The following KIF16B variants were observed in gnomAD, a reference collection of about 807,000 sequenced individuals.
KIF16B encodes the protein kinesin family member 16B, also known as kinesin-like protein KIF16B.
KIF16B carries 98 observed loss-of-function variants against 156.3 expected under a neutral mutation model. That is an observed-to-expected ratio of 0.63 (90% CI 0.53 to 0.74). The LOEUF (loss-of-function observed/expected upper bound fraction) is 0.74. KIF16B is among the 30% of genes least tolerant of loss of function. KIF16B has a pLI of 0.00. For synonymous variants in KIF16B, 564 were observed against 583.7 expected, an observed-to-expected ratio of 0.97 and a Z score of 0.49; for missense variants, 1,421 against 1,606.5, an observed-to-expected ratio of 0.88 and a Z score of 1.97.
chr20:16,524,996 G>C (rs2147134960), intron 3 of KIF16B, among the ~76,000 whole-genome samples: 1 of 152,190 alleles, frequency 6.6e-6, no homozygotes, highest in Non-Finnish European at 1.5e-5. Flanking sequence ...TGGACACAGG[G>C]AGGGGAACAT....
chr20:16,537,892 C>T (rs552423544), intron 1 of KIF16B, among the ~76,000 whole-genome samples: 7 of 151,722 alleles, frequency 4.6e-5, no homozygotes, highest in African/African-American at 9.7e-5. Context: ...TTAGTAGAGA[C>T]GGGGTTTCTC....
chr20:16,456,096 C>CCAATACTATA lies in KIF16B; in HGVS notation c.1303-26115_1303-26114insTATAGTATTG, dbSNP rs1204336809. Among the ~76,000 whole-genome samples the CCAATACTATA allele has an allele frequency of 3.5e-4, 50 of 143,410 alleles. 1 individual carries two copies. In the East Asian group the frequency reaches 5.0e-3, roughly 14 times the overall value. The allele number at this position is 143,410 out of a possible 152,430, so 94.1% of individuals were successfully genotyped here. A position where few individuals can be genotyped will look rare whatever the true frequency, so the allele number is the denominator to read the frequency against. ...AATAAAAGGAATTCTTCTACTGGAG[C>CCAATACTATA]CAATACAATACAATACAATACAATA... On this transcript the variant is annotated intron_variant, in intron 12 of 25. Coordinates refer to ENST00000354981, the MANE Select transcript of KIF16B (RefSeq NM_024704.5).
At chr20:16,275,635 C>T (rs753674132) in intron 25 of KIF16B, among the ~76,000 whole-genome samples, 2 of 152,158 alleles carry the variant, frequency 1.3e-5, no homozygotes, top group African/African-American at 2.4e-5. Flanking sequence ...TGTTCCATAT[C>T]CCTAACTTAC....
chr20:16,390,279 T>A (rs1316407754), intron 17 of KIF16B, among the ~76,000 whole-genome samples: 1 of 152,174 alleles, frequency 6.6e-6, no homozygotes, highest in South Asian at 2.1e-4. Context: ...ATTGGTTTTT[T>A]AAAAAATAAT....
intron 15 of KIF16B, among the ~76,000 whole-genome samples, chr20:16,412,819 AT>A (rs1413557769): frequency 6.6e-6 from 1 of 152,112 alleles, no homozygotes; most frequent in Non-Finnish European, 1.5e-5. Flanking sequence ...AGGATATTTT[AT>A]TTTTTGTTAA....
rs560713417 is a variant in KIF16B, at chr20:16,273,014, C to T, written c.*239G>A. On this transcript the variant is annotated 3_prime_UTR_variant, in exon 26 of 26. Coordinates refer to ENST00000354981, the MANE Select transcript of KIF16B (RefSeq NM_024704.5). ...AAGGAAGCACTGTGGGAAAAGGCCA[C>T]GTTCAACCGCAATGGAACGGTAACG... is the stretch of plus-strand genomic sequence containing the variant. The T allele has an allele frequency of 5.2e-5, 25 of 477,020 alleles. No individual in the cohort carries two copies. Among genetic ancestry groups the T allele is most frequent in the African/African-American group, 2.9e-4 (15 of 50,992 alleles). The allele number at this position is 477,020 out of a possible 1,614,324, so 29.5% of individuals were successfully genotyped here. A position where few individuals can be genotyped will look rare whatever the true frequency, so the allele number is the denominator to read the frequency against.
chr20:16,353,928 GC>G (rs1409189618), intron 23 of KIF16B, among the ~76,000 whole-genome samples: 1 of 152,172 alleles, frequency 6.6e-6, no homozygotes, highest in Non-Finnish European at 1.5e-5. Flanking sequence ...CATAATTATA[GC>G]ACCTAGGGAC....
At chr20:16,405,294 A>T (rs537675999) in intron 16 of KIF16B, among the ~76,000 whole-genome samples, 53 of 152,216 alleles carry the variant, frequency 3.5e-4, no homozygotes, top group African/African-American at 1.3e-3. Flanking sequence ...AGAAGAAGGC[A>T]GGAGGGGTGA....
intron 22 of KIF16B, among the ~76,000 whole-genome samples, chr20:16,362,293 A>G (rs926974291): frequency 6.6e-6 from 1 of 152,080 alleles, no homozygotes; most frequent in East Asian, 1.9e-4. Context: ...AGCAAAAGTA[A>G]ACATACAAAC....
At chr20:16,563,543 G>A (rs529569263) in intron 1 of KIF16B, among the ~76,000 whole-genome samples, 1 of 152,298 alleles carries the variant, frequency 6.6e-6, no homozygotes, top group African/African-American at 2.4e-5. Flanking sequence ...TAGAAAAACA[G>A]TCAAGAAACA....
rs1347989737 is a variant in KIF16B at position 16,427,171 on chromosome 20, T to A, written c.1545A>T (p.Ile515=). 1.9e-6 allele frequency: 3 copies of A among 1,612,244 alleles called. No homozygotes were observed. The Admixed American group carries it at 5.0e-5, about 27-fold the overall frequency. Reference sequence around the variant, plus strand: ...CAGAGCACTGGGACCCACTCAGGGGTATCAGAGTCACTGTCCCCCCGATAT... The same window carrying A: ...CAGAGCACTGGGACCCACTCAGGGGAATCAGAGTCACTGTCCCCCCGATAT... The part of the protein sequence containing the change: ...FENIGGTVTL[I]PLSGSQCSVN... The change falls in exon 15 of 26, where the codon ATA becomes ATT. Residue 515 remains isoleucine, a synonymous_variant. Coordinates refer to ENST00000354981, the MANE Select transcript of KIF16B (RefSeq NM_024704.5).
At position 16,511,515 on chromosome 20, in the gene KIF16B, A is replaced by C. The variant is rs1339089294; in HGVS notation, c.459T>G (p.Ile153Met). ...GTAGATCTCTCACACGTTCGTTATA[A>C]ATTTCTAAGTAGCTAAAAATTTAAA... ...SFRTEVSYLE[I>M]YNERVRDLLR... Residue 153 changes from isoleucine (I) to methionine (M), a missense_variant, in exon 6 of 26, where the codon ATT (isoleucine) becomes ATG (methionine). Ile to Met is a conservative substitution (Grantham distance 10). Transcript: ENST00000354981. 6.3e-7 allele frequency: 1 copy of C among 1,599,926 alleles called. No individual in the cohort carries two copies. The highest frequency in any genetic ancestry group is 8.5e-7 in the Non-Finnish European group (1 of 1,171,658).
chr20:16,380,463 C>G (rs2065068360), intron 18 of KIF16B, among the ~76,000 whole-genome samples: 1 of 152,134 alleles, frequency 6.6e-6, no homozygotes. Flanking sequence ...CCCCTGAGCT[C>G]AAAGAGAAAG....
chr20:16,501,149 T>C (rs1412285164), intron 10 of KIF16B, among the ~76,000 whole-genome samples: 1 of 151,768 alleles, frequency 6.6e-6, no homozygotes, highest in East Asian at 1.9e-4. Context: ...ATATATCCAT[T>C]AGGATGGTTA....
intron 12 of KIF16B, among the ~76,000 whole-genome samples, chr20:16,439,106 A>T (rs952694368): frequency 2.0e-5 from 3 of 152,100 alleles, no homozygotes; most frequent in African/African-American, 7.2e-5. Context: ...AAAAAGAATC[A>T]AGTGGGTCAG....
chr20:16,501,099 G>T (rs1156649074), intron 10 of KIF16B, among the ~76,000 whole-genome samples: 1 of 151,522 alleles, frequency 6.6e-6, no homozygotes, highest in African/African-American at 2.4e-5. Context: ...TTCATCAATC[G>T]CCTGAGAAGC....
At chr20:16,397,222 T>C (rs1007097726) in intron 17 of KIF16B, among the ~76,000 whole-genome samples, 3 of 152,098 alleles carry the variant, frequency 2.0e-5, no homozygotes, top group Non-Finnish European at 4.4e-5. Flanking sequence ...TGCAGGAAAA[T>C]TATCTCCTGG....
chr20:16,361,952 T>C (rs897012821), intron 22 of KIF16B, among the ~76,000 whole-genome samples: 1 of 152,242 alleles, frequency 6.6e-6, no homozygotes, highest in South Asian at 2.1e-4. Context: ...AAGATCATTG[T>C]ATTAAGTGGT....
intron 1 of KIF16B, among the ~76,000 whole-genome samples, chr20:16,568,086 T>C (rs78935893): frequency 0.022 from 3,346 of 152,256 alleles, 109 homozygotes; most frequent in African/African-American, 0.074. Flanking sequence ...CCCTTTGACC[T>C]ATCTTCTTTT....
Sources: gnomAD v4.1 joint callset for allele counts (sites outside exome capture counted in the v4.1 genomes callset) on GRCh38, gnomAD v4.1.1 for gene constraint, MANE v1.5 for transcripts, NCBI Gene and HGNC (gene_info 2026-07-23, HGNC 2026-07-21) for gene names.